SDCBP2: variants seen among roughly 807,000 people sequenced by gnomAD.
SDCBP2 encodes the protein syntenin-2.
Under a neutral mutation model 30.7 loss-of-function variants are expected in SDCBP2, and 28 were observed. The ratio of observed to expected loss-of-function variants is 0.91; its 90% confidence interval spans 0.68 to 1.25. The LOEUF is 1.25. Ranked by LOEUF, SDCBP2 falls within the 50% of genes most tolerant of loss-of-function variation. The probability of loss-of-function intolerance (pLI) is 0.00; values close to 1 mark genes in which losing one functional copy is unlikely to be tolerated. For synonymous variants in SDCBP2, 166 were observed against 157.3 expected (o/e 1.06, Z -0.41); for missense variants, 399 against 379.0 (o/e 1.05, Z -0.44).
In SDCBP2 at chr20:1,321,351, G is replaced by A. The variant is rs2088848533; in HGVS notation, c.-19-916C>T. 6.6e-6 allele frequency: 1 copy of A among 152,378 alleles called. No individual in the cohort carries two copies. The allele number at this position is 152,378 out of a possible 1,614,324, so 9.4% of individuals were successfully genotyped here. A position where few individuals can be genotyped will look rare whatever the true frequency, so the allele number is the denominator to read the frequency against. On this transcript the variant is annotated intron_variant, in intron 1 of 8. Transcript: ENST00000360779. This position sits in a 1 kb window ranked among gnomAD's most constrained non-coding sequence, Gnocchi z 5.2. ...AGATCCGCTGGGCACCTCCCTGAGTGACCACAGGCACGCCGAGGACATACT... is the reference window on the plus strand; with the variant it reads ...AGATCCGCTGGGCACCTCCCTGAGTAACCACAGGCACGCCGAGGACATACT...
At chr20:1,318,200 C>T (rs760660632) in intron 4 of SDCBP2, 118 bp downstream of exon 4, 5 of 759,428 alleles carry the variant, frequency 6.6e-6, no homozygotes, top group South Asian at 4.2e-5. Context: ...CAGCAGAGTG[C>T]TGGGGAGAGG....
At chr20:1,314,691 A>C (rs578137749) in intron 4 of SDCBP2, among the ~76,000 whole-genome samples, 6 of 151,964 alleles carry the variant, frequency 3.9e-5, no homozygotes, top group Non-Finnish European at 8.8e-5. Flanking sequence ...CCAGGAGTTC[A>C]AGACCAGCCT....
Position 1,313,165 on chromosome 20 carries a change from CA to C in SDCBP2, c.384+174del, listed in dbSNP as rs1241439022. ...CAGTGGAGGGCCCTGCGCAACCCAG[CA>C]CCAGCCCCGCCCGGGTCTCGGGGAG... On this transcript the variant is annotated intron_variant, in intron 5 of 8. Coordinates refer to ENST00000360779, the MANE Select transcript of SDCBP2 (RefSeq NM_080489.5). The surrounding 1 kb of genome is among the most constrained non-coding windows in gnomAD (Gnocchi z 5.2). 1 of 715,292 alleles carries C rather than the reference CA, an allele frequency of 1.4e-6. No individual in the cohort carries two copies. The highest frequency in any genetic ancestry group is 2.5e-5 in the Admixed American group (1 of 39,700). 44.3% of individuals were successfully genotyped at this position (715,292 alleles called of 1,614,324 possible).
At chr20:1,325,894 C>G (rs1187620284) in intron 1 of SDCBP2, 1 of 152,216 alleles carries the variant, frequency 6.6e-6, no homozygotes, top group African/African-American at 2.4e-5. Context: ...CCCCACCCTA[C>G]GCAGATTCAC....
At chr20:1,317,386 A>C (rs2088793061) in intron 4 of SDCBP2, among the ~76,000 whole-genome samples, 1 of 152,182 alleles carries the variant, frequency 6.6e-6, no homozygotes, top group African/African-American at 2.4e-5. Context: ...AGACATACAA[A>C]ATTTTAAATT....
intron 8 of SDCBP2, 148 bp downstream of exon 8, chr20:1,310,652 G>A (rs546569751): frequency 2.7e-5 from 27 of 1,000,944 alleles, no homozygotes; most frequent in East Asian, 1.7e-4. Flanking sequence ...TTGGAGGGAG[G>A]GGAAGGGAGG....
At chr20:1,328,561 C>T (rs1414113237) in intron 1 of SDCBP2, among the ~76,000 whole-genome samples, 1 of 152,176 alleles carries the variant, frequency 6.6e-6, no homozygotes, top group Non-Finnish European at 1.5e-5. Flanking sequence ...CTTCCATTCT[C>T]CTGACTTTGT....
chr20:1,313,534 C>T lies in SDCBP2; in HGVS notation c.226-36G>A. 2 of 1,538,246 alleles carry T rather than the reference C, an allele frequency of 1.3e-6. No individual in the cohort carries two copies. Among genetic ancestry groups the T allele is most frequent in the South Asian group, 1.2e-5 (1 of 83,250 alleles). On this transcript the variant is annotated intron_variant, in intron 4 of 8. Coordinates refer to ENST00000360779, the MANE Select transcript of SDCBP2 (RefSeq NM_080489.5). This position sits in a 1 kb window ranked among gnomAD's most constrained non-coding sequence, Gnocchi z 5.2. ...CAGGGGGCAGGGGGTCAGCCCGGCCCGTGGGGACCCTGTGCCTCAGGAGAC... is the reference window on the plus strand; with the variant it reads ...CAGGGGGCAGGGGGTCAGCCCGGCCTGTGGGGACCCTGTGCCTCAGGAGAC...
In SDCBP2 at chr20:1,310,837, T is replaced by C. The variant is rs776579515; in HGVS notation, c.787A>G (p.Ile263Val). Residue 263 changes from isoleucine (I) to valine (V), a missense_variant, in exon 8 of 9, where the codon ATC becomes GTC. Coordinates refer to ENST00000360779, the MANE Select transcript of SDCBP2 (RefSeq NM_080489.5). ...TGCTCGTAGATCACACTGGGGATGA[T>C]GGTCAGGGTGACAACGTTCCCAGCC... is the stretch of plus-strand genomic sequence containing the variant. ...ATAGNVVTLT[I>V]IPSVIYEHMV... 3.7e-6 allele frequency: 6 copies of C among 1,614,038 alleles called. No individual in the cohort carries two copies. The South Asian group carries it at 5.5e-5, about 15-fold the overall frequency.
chr20:1,326,405 A>G (rs1568566053), intron 1 of SDCBP2, among the ~76,000 whole-genome samples: 1 of 152,092 alleles, frequency 6.6e-6, no homozygotes, highest in African/African-American at 2.4e-5. Context: ...TTCCATTCTC[A>G]CCATCTCATT....
Position 1,320,621 on chromosome 20 carries a change from C to A in SDCBP2, c.-19-186G>T. 2 of 490,236 alleles carry A rather than the reference C, an allele frequency of 4.1e-6. No individual in the cohort carries two copies. Among genetic ancestry groups the A allele is most frequent in the Admixed American group, 7.2e-5 (2 of 27,886 alleles). The allele number at this position is 490,236 out of a possible 1,614,324, so 30.4% of individuals were successfully genotyped here. ...GTCGATATTTGAACTCTACTGTATTCCACTCATCTCCAGCCTCACTGTCAA... is the reference window on the plus strand; with the variant it reads ...GTCGATATTTGAACTCTACTGTATTACACTCATCTCCAGCCTCACTGTCAA... On this transcript the variant is annotated intron_variant, in intron 1 of 8. Transcript: ENST00000360779. This position sits in a 1 kb window ranked among gnomAD's most constrained non-coding sequence, Gnocchi z 4.7.
intron 1 of SDCBP2, among the ~76,000 whole-genome samples, chr20:1,328,280 C>T (rs1475083117): frequency 6.6e-6 from 1 of 152,090 alleles, no homozygotes; most frequent in African/African-American, 2.4e-5. Context: ...AGATGGGAGC[C>T]ACTGGGGGAT....
At chr20:1,319,775 G>C (rs572602750) in intron 2 of SDCBP2, 116 bp from the exon 3 acceptor site, 2 of 807,010 alleles carry the variant, frequency 2.5e-6, no homozygotes, top group African/African-American at 1.8e-5. Flanking sequence ...CCCGGGGTGT[G>C]GGGGGAGTGT....
chr20:1,326,234 G>C (rs750669104), intron 1 of SDCBP2, among the ~76,000 whole-genome samples: 1 of 152,204 alleles, frequency 6.6e-6, no homozygotes, highest in Non-Finnish European at 1.5e-5. Flanking sequence ...AACTGGACTC[G>C]TGATTTTCCC....
chr20:1,310,275 G>T lies in SDCBP2; in HGVS notation c.*166C>A, dbSNP rs2088640550. 6.6e-6 allele frequency: 4 copies of T among 610,390 alleles called. No individual in the cohort carries two copies. In the East Asian group the frequency reaches 8.7e-5, roughly 13 times the overall value. 37.8% of individuals were successfully genotyped at this position (610,390 alleles called of 1,614,324 possible). On this transcript the variant is annotated 3_prime_UTR_variant, in exon 9 of 9. Coordinates refer to ENST00000360779, the MANE Select transcript of SDCBP2 (RefSeq NM_080489.5). The stretch of plus-strand genomic sequence containing the variant: ...AGCTTGGAGTCTGAGGCTCCAAGGA[G>T]GCCTGTGTGTATAAGCCATCCCATG...
rs748162277 is a variant in SDCBP2, at chr20:1,312,731, G to T, written c.416C>A (p.Thr139Asn). 42 of 1,613,594 alleles carry T rather than the reference G, an allele frequency of 2.6e-5. No individual in the cohort carries two copies. Among genetic ancestry groups the T allele is most frequent in the Non-Finnish European group, 3.4e-5 (40 of 1,179,982 alleles). The change falls in exon 6 of 9, where the codon ACC (threonine) becomes AAC (asparagine). Residue 139 changes from threonine to asparagine, a missense_variant. Thr to Asn is a moderately conservative substitution (Grantham distance 65, BLOSUM62 0). Transcript: ENST00000360779. ...GCGCAGCCCCACAAGGGATGCAGGG[G>T]TGTTGGCCTGGACCAACTGCACAAA... ...GLFVQLVQANTPASLVGLRFG... is the reference protein window; with the variant it reads ...GLFVQLVQANNPASLVGLRFG...
chr20:1,312,849 C>A (rs2088699856), intron 5 of SDCBP2, 87 bp from the exon 6 acceptor site: 5 of 1,381,710 alleles, frequency 3.6e-6, no homozygotes, highest in Non-Finnish European at 3.9e-6. Flanking sequence ...CCTCCTGATA[C>A]TCCAGGAACC....
At chr20:1,311,100 C>T in intron 7 of SDCBP2, 2 of 495,104 alleles carry the variant, frequency 4.0e-6, no homozygotes, top group Non-Finnish European at 7.2e-6. Context: ...GAACATGGGT[C>T]TCCCACCTGA....
chr20:1,313,022 G>T lies in SDCBP2; in HGVS notation c.385-260C>A. On this transcript the variant is annotated intron_variant, in intron 5 of 8. Transcript: ENST00000360779. This position sits in a 1 kb window ranked among gnomAD's most constrained non-coding sequence, Gnocchi z 5.2. ...ACACTCCACTGTACCATTCACAAAG[G>T]CATGGGCTTCCCTGGCGTCGGCTGT... 1.7e-6 allele frequency: 1 copy of T among 588,406 alleles called. No individual in the cohort carries two copies. Among genetic ancestry groups the T allele is most frequent in the Non-Finnish European group, 3.0e-6 (1 of 331,510 alleles). The allele number at this position is 588,406 out of a possible 1,614,324, so 36.4% of individuals were successfully genotyped here.
Sources: allele counts gnomAD v4.1 joint callset (sites outside exome capture counted in the v4.1 genomes callset), GRCh38; gene constraint gnomAD v4.1.1; non-coding constraint Gnocchi (gnomAD v3.1); transcripts MANE v1.5; gene names NCBI Gene and HGNC (gene_info 2026-07-23, HGNC 2026-07-21).